The following TWNK variants were observed in gnomAD, a reference collection of about 807,000 sequenced individuals.
The protein encoded by TWNK is twinkle mtDNA helicase.
TWNK carries 36 observed loss-of-function variants against 58.2 expected under a neutral mutation model. That is an observed-to-expected ratio of 0.62 (90% CI 0.47 to 0.82). The LOEUF is 0.82. Ranked by LOEUF, TWNK falls within the 40% of genes least tolerant of loss-of-function variation. TWNK has a pLI of 0.00. For missense variants in TWNK, 714 were observed against 881.0 expected (o/e 0.81, Z 2.40); for synonymous variants, 349 against 348.5 (o/e 1.00, Z -0.02).
Position 100,989,920 on chromosome 10 carries a change from A to G in TWNK, c.1484+36A>G. ...CAGATTCCAGCCACCTTGCTTTCCC[A>G]GACATATCCCAGCACTCAGGAACCT... On this transcript the variant is annotated intron_variant, in intron 2 of 4. Coordinates refer to ENST00000311916, the MANE Select transcript of TWNK (RefSeq NM_021830.5). This position sits in a 1 kb window ranked among gnomAD's most constrained non-coding sequence, Gnocchi z 7.6. 2 of 1,613,810 alleles carry G rather than the reference A, an allele frequency of 1.2e-6. No homozygotes were observed. Among genetic ancestry groups the G allele is most frequent in the South Asian group, 1.1e-5 (1 of 91,074 alleles).
chr10:100,989,033 T>C lies in TWNK; in HGVS notation c.823T>C (p.Ser275Pro). 6.2e-7 allele frequency: 1 copy of C among 1,614,110 alleles called. No individual in the cohort carries two copies. Among genetic ancestry groups the C allele is most frequent in the Non-Finnish European group, 8.5e-7 (1 of 1,180,010 alleles). ...RELDSLALNQ[S>P]TGLPTLTLPR... is the part of the protein sequence containing the mutation. The stretch of plus-strand genomic sequence containing the variant: ...GCTTGACAGCCTGGCCTTGAACCAG[T>C]CCACGGGGCTGCCTACCCTTACTCT... Residue 275 changes from serine (S) to proline (P), a missense_variant, in exon 1 of 5, where the codon TCC becomes CCC. Transcript: ENST00000311916. This position sits in a 1 kb window ranked among gnomAD's most constrained non-coding sequence, Gnocchi z 7.6.
chr10:100,989,489 G>A lies in TWNK; in HGVS notation c.1243+36G>A, dbSNP rs769245493. On this transcript the variant is annotated intron_variant, in intron 1 of 4. Transcript: ENST00000311916. The surrounding 1 kb of genome is among the most constrained non-coding windows in gnomAD (Gnocchi z 7.6). ...GAGAAATCACTACTTAGAGTAAAGG[G>A]GCAGAAGATCAGGTGACAAAAGCAA... 1 of 1,611,904 alleles carries A rather than the reference G, an allele frequency of 6.2e-7. No homozygotes were observed. Among genetic ancestry groups the A allele is most frequent in the Non-Finnish European group, 8.5e-7 (1 of 1,179,862 alleles).
chr10:100,991,506 G>C (rs547253614), intron 4 of TWNK, among the ~76,000 whole-genome samples: 40 of 152,180 alleles, frequency 2.6e-4, no homozygotes, highest in African/African-American at 9.4e-4. Context: ...CCTGGGCTGG[G>C]CCTAGGGAAT....
rs2133934411 is a variant in TWNK at position 100,988,292 on chromosome 10, C to T, written c.82C>T (p.Pro28Ser). The change falls in exon 1 of 5, where the codon CCC (proline) becomes TCC (serine). Residue 28 changes from proline (P) to serine (S), a missense_variant. Around this residue, in one of 3 missense-constraint regions of TWNK, gnomAD observed 348 missense variants for 388.4 expected, o/e 0.90. Transcript: ENST00000311916. This position sits in a 1 kb window ranked among gnomAD's most constrained non-coding sequence, Gnocchi z 5.2. Reference sequence around the variant, plus strand: ...GGAGTGGATGGGTCGGAGGGGCCTGCCCCGAAACTTGGCCCCAGGCCCTCC... The same window carrying T: ...GGAGTGGATGGGTCGGAGGGGCCTGTCCCGAAACTTGGCCCCAGGCCCTCC... ...RGEWMGRRGL[P>S]RNLAPGPPRR... 1.2e-6 allele frequency: 2 copies of T among 1,614,168 alleles called. No homozygotes were observed. Among genetic ancestry groups the T allele is most frequent in the East Asian group, 2.2e-5 (1 of 44,888 alleles).
At position 100,987,614 on chromosome 10, in the gene TWNK, G is replaced by T; in HGVS notation, c.-597G>T. ...CGGCGAAGTGGGAGAGAGAAAAGTG[G>T]TAACCTGGGGCTGGGGGCCGGCGCG... On this transcript the variant is annotated 5_prime_UTR_variant, in exon 1 of 5. Transcript: ENST00000311916. 1 of 985,784 alleles carries T rather than the reference G, an allele frequency of 1.0e-6. No individual in the cohort carries two copies. The highest frequency in any genetic ancestry group is 1.5e-6 in the Non-Finnish European group (1 of 688,860). The allele number at this position is 985,784 out of a possible 1,614,324, so 61.1% of individuals were successfully genotyped here.
chr10:100,990,369 T>C, intron 2 of TWNK, 67 bp from the exon 3 acceptor site: 2 of 1,114,658 alleles, frequency 1.8e-6, no homozygotes, highest in Admixed American at 3.4e-5. Flanking sequence ...GTTTTCAGGA[T>C]GCTAGTTCTT....
chr10:100,988,494 G>A lies in TWNK; in HGVS notation c.284G>A (p.Gly95Asp). Reference protein sequence around the residue: ...AESSQLKGQTGVTTSFSLFID... With the variant: ...AESSQLKGQTDVTTSFSLFID... ...TCTTCACAGCTCAAAGGCCAGACTG[G>A]TGTTACCACTTCCTTCAGCCTCTTC... The change falls in exon 1 of 5, where the codon GGT becomes GAT. Residue 95 changes from glycine to aspartate, a missense_variant. Coordinates refer to ENST00000311916, the MANE Select transcript of TWNK (RefSeq NM_021830.5). The surrounding 1 kb of genome is among the most constrained non-coding windows in gnomAD (Gnocchi z 5.2). The A allele has an allele frequency of 1.2e-6, 2 of 1,614,234 alleles. No homozygotes were observed. The highest frequency in any genetic ancestry group is 1.7e-6 in the Non-Finnish European group (2 of 1,180,048).
At position 100,988,904 on chromosome 10, in the gene TWNK, A is replaced by G. The variant is rs374836149; in HGVS notation, c.694A>G (p.Ser232Gly). The change falls in exon 1 of 5, where the codon AGC becomes GGC. Residue 232 changes from serine (S) to glycine (G), a missense_variant. By Grantham distance (56) the Ser-to-Gly change is moderately conservative. Transcript: ENST00000311916. The surrounding 1 kb of genome is among the most constrained non-coding windows in gnomAD (Gnocchi z 5.2). ...LEAKCQGDGV[S>G]YEETTIPRPS... ...GGCTAAATGCCAGGGGGATGGAGTG[A>G]GCTACGAGGAAACCACTATTCCCCG... The G allele has an allele frequency of 3.5e-5, 57 of 1,614,034 alleles. No homozygotes were observed. Among genetic ancestry groups the G allele is most frequent in the Non-Finnish European group, 4.6e-5 (54 of 1,180,032 alleles).
chr10:100,987,587 G>A lies in TWNK; in HGVS notation c.-624G>A, dbSNP rs991211266. 3 of 1,269,144 alleles carry A rather than the reference G, an allele frequency of 2.4e-6. No individual in the cohort carries two copies. The highest frequency in any genetic ancestry group is 3.0e-5 in the African/African-American group (2 of 66,652). The allele number at this position is 1,269,144 out of a possible 1,614,324, so 78.6% of individuals were successfully genotyped here. A position where few individuals can be genotyped will look rare whatever the true frequency, so the allele number is the denominator to read the frequency against. ...GTAGCATGTGCGGGAGACTCACGTT[G>A]CCGGCGAAGTGGGAGAGAGAAAAGT... On this transcript the variant is annotated 5_prime_UTR_variant, in exon 1 of 5. Transcript: ENST00000311916.
At position 100,989,536 on chromosome 10, in the gene TWNK, G is replaced by C. The variant is rs1851708494; in HGVS notation, c.1243+83G>C. On this transcript the variant is annotated intron_variant, in intron 1 of 4. Transcript: ENST00000311916. The surrounding 1 kb of genome is among the most constrained non-coding windows in gnomAD (Gnocchi z 7.6). ...GCAAGTGGGTTTGGGCCATGACAAT[G>C]TTGAAAAGAAGGTTGGCCCTTTCCC... 3.7e-6 allele frequency: 6 copies of C among 1,609,320 alleles called. No individual in the cohort carries two copies. Among genetic ancestry groups the C allele is most frequent in the Non-Finnish European group, 5.1e-6 (6 of 1,178,328 alleles).
At chr10:100,992,933 C>T (rs1305428274) in intron 4 of TWNK, among the ~76,000 whole-genome samples, 1 of 152,104 alleles carries the variant, frequency 6.6e-6, no homozygotes, top group African/African-American at 2.4e-5. Flanking sequence ...ACTATAGGTG[C>T]ATGCCACCAT....
At position 100,989,032 on chromosome 10, in the gene TWNK, G is replaced by C; in HGVS notation, c.822G>C (p.Gln274His). The C allele has an allele frequency of 6.2e-7, 1 of 1,614,156 alleles. No homozygotes were observed. Among genetic ancestry groups the C allele is most frequent in the South Asian group, 1.1e-5 (1 of 91,084 alleles). Residue 274 changes from glutamine to histidine, a missense_variant, in exon 1 of 5, where the codon CAG becomes CAC. Gln to His is a conservative substitution (Grantham distance 24). Transcript: ENST00000311916. The surrounding 1 kb of genome is among the most constrained non-coding windows in gnomAD (Gnocchi z 7.6). ...SRELDSLALN[Q>H]STGLPTLTLP... ...AGCTTGACAGCCTGGCCTTGAACCA[G>C]TCCACGGGGCTGCCTACCCTTACTC...
At position 100,993,570 on chromosome 10, in the gene TWNK, C is replaced by T. The variant is rs1851846513; in HGVS notation, c.*60C>T. ...ATAGGATAGGCTGGAGCATAAAACT[C>T]TGCAAGGGCTCCTCTATCCTGTGGT... On this transcript the variant is annotated 3_prime_UTR_variant, in exon 5 of 5. Transcript: ENST00000311916. 6.4e-7 allele frequency: 1 copy of T among 1,561,692 alleles called. No homozygotes were observed. The highest frequency in any genetic ancestry group is 8.8e-7 in the Non-Finnish European group (1 of 1,139,234).
Position 100,990,781 on chromosome 10 carries a change from T to G in TWNK, c.1593-88T>G. ...GGAGGTAGAGTGGGTTGTGGTAGTTTGTGGGGAGATGTGAATGGATCAAGA... is the reference window on the plus strand; with the variant it reads ...GGAGGTAGAGTGGGTTGTGGTAGTTGGTGGGGAGATGTGAATGGATCAAGA... On this transcript the variant is annotated intron_variant, in intron 3 of 4. Coordinates refer to ENST00000311916, the MANE Select transcript of TWNK (RefSeq NM_021830.5). 1.3e-5 allele frequency: 21 copies of G among 1,579,138 alleles called. No individual in the cohort carries two copies. In the South Asian group the frequency reaches 2.2e-4, roughly 17 times the overall value.
At chr10:100,990,637 C>T in intron 3 of TWNK, 94 bp downstream of exon 3, 1 of 1,609,926 alleles carries the variant, frequency 6.2e-7, no homozygotes, top group Non-Finnish European at 8.5e-7. Context: ...ACATGCTGTG[C>T]TCTCCTATTT....
At position 100,988,280 on chromosome 10, in the gene TWNK, C is replaced by T. The variant is rs753646922; in HGVS notation, c.70C>T (p.Arg24Trp). Reference protein sequence around the residue: ...LLPLRGEWMGRRGLPRNLAPG... With the variant: ...LLPLRGEWMGWRGLPRNLAPG... ...ACCCCTGCGTGGGGAGTGGATGGGT[C>T]GGAGGGGCCTGCCCCGAAACTTGGC... Residue 24 changes from arginine (R) to tryptophan (W), a missense_variant, in exon 1 of 5, where the codon CGG becomes TGG. This residue lies in a region of TWNK where 348 missense variants were observed against 388.4 expected (regional missense o/e 0.90). Coordinates refer to ENST00000311916, the MANE Select transcript of TWNK (RefSeq NM_021830.5). This position sits in a 1 kb window ranked among gnomAD's most constrained non-coding sequence, Gnocchi z 5.2. The T allele has an allele frequency of 3.7e-6, 6 of 1,613,120 alleles. No homozygotes were observed. Among genetic ancestry groups the T allele is most frequent in the South Asian group, 2.2e-5 (2 of 91,060 alleles).
At chr10:100,991,739 G>A (rs968841095) in intron 4 of TWNK, among the ~76,000 whole-genome samples, 6 of 151,898 alleles carry the variant, frequency 4.0e-5, no homozygotes, top group African/African-American at 1.5e-4. Context: ...TTGGCCAGGC[G>A]TGGTGGCTCA....
In TWNK at chr10:100,993,756, C is replaced by G; in HGVS notation, c.*246C>G. On this transcript the variant is annotated 3_prime_UTR_variant, in exon 5 of 5. Transcript: ENST00000311916. ...CTGAAAAGAGAGATAAAGTCCCTGCCTGCATGCATTCTGGCGGAAGAGACA... is the reference window on the plus strand; with the variant it reads ...CTGAAAAGAGAGATAAAGTCCCTGCGTGCATGCATTCTGGCGGAAGAGACA... 1.8e-6 allele frequency: 1 copy of G among 548,166 alleles called. No homozygotes were observed. The highest frequency in any genetic ancestry group is 2.4e-5 in the South Asian group (1 of 41,502). The allele number at this position is 548,166 out of a possible 1,614,324, so 34.0% of individuals were successfully genotyped here.
rs867818489 is a variant in TWNK at position 100,991,010 on chromosome 10, A to G, written c.1734A>G (p.Lys578=). The change falls in exon 4 of 5, where the codon AAA becomes AAG. Residue 578 remains lysine (K), a splice_region_variant and synonymous_variant. Transcript: ENST00000311916. ...LQTASIFGSA[K]ASQEADNVLI... ...CAGCGTCCATTTTTGGCTCAGCCAAAGTGAGTGGCCTTTAGCGGAGCTCAA... is the reference window on the plus strand; with the variant it reads ...CAGCGTCCATTTTTGGCTCAGCCAAGGTGAGTGGCCTTTAGCGGAGCTCAA... 1.7e-5 allele frequency: 27 copies of G among 1,614,106 alleles called. No individual in the cohort carries two copies. Among genetic ancestry groups the G allele is most frequent in the Non-Finnish European group, 2.3e-5 (27 of 1,180,030 alleles).
Sources: allele counts gnomAD v4.1 joint callset (sites outside exome capture counted in the v4.1 genomes callset), GRCh38; gene constraint gnomAD v4.1.1; regional missense constraint gnomAD v4.1.1; non-coding constraint Gnocchi (gnomAD v3.1); transcripts MANE v1.5; gene names NCBI Gene and HGNC (gene_info 2026-07-23, HGNC 2026-07-21).